The following PIGU variants were observed in gnomAD, a reference collection of about 807,000 sequenced individuals.
PIGU encodes phosphatidylinositol glycan anchor biosynthesis class U.
In PIGU, 24 loss-of-function variants were observed where a neutral mutation model predicts 49.9. The observed-to-expected ratio is 0.48, with a 90% CI of 0.35 to 0.68. The LOEUF (loss-of-function observed/expected upper bound fraction) is 0.68. Ranked by LOEUF, PIGU falls within the 30% of genes least tolerant of loss-of-function variation. The pLI, the probability that PIGU is intolerant of heterozygous loss-of-function variation, is 0.01. For missense variants in PIGU, 490 were observed against 532.6 expected, an observed-to-expected ratio of 0.92 and a Z score of 0.79; for synonymous variants, 220 against 205.7, an observed-to-expected ratio of 1.07 and a Z score of -0.59.
chr20:34,638,755 T>A (rs1186662089), intron 4 of PIGU, among the ~76,000 whole-genome samples: 1 of 151,108 alleles, frequency 6.6e-6, no homozygotes, highest in East Asian at 1.9e-4. Context: ...TAATAGGGAG[T>A]GGGATGGGGG....
chr20:34,639,556 T>C (rs929992169), intron 4 of PIGU, among the ~76,000 whole-genome samples: 1 of 151,942 alleles, frequency 6.6e-6, no homozygotes, highest in Admixed American at 6.6e-5. Flanking sequence ...GAGAGAGCTG[T>C]AGGAGTAAAT....
At chr20:34,644,096 C>T (rs1013620005) in intron 4 of PIGU, 68 bp downstream of exon 4, 1 of 1,385,780 alleles carries the variant, frequency 7.2e-7, no homozygotes, top group Non-Finnish European at 1.0e-6. Flanking sequence ...AGTATAAGAT[C>T]TTTGTAATAA....
chr20:34,571,387 A>G (rs562167841), intron 11 of PIGU, among the ~76,000 whole-genome samples: 1 of 152,328 alleles, frequency 6.6e-6, no homozygotes, highest in South Asian at 2.1e-4. Context: ...GGCACTGAAC[A>G]ACTCAAACAG....
At chr20:34,627,090 C>T (rs1434328418) in intron 6 of PIGU, among the ~76,000 whole-genome samples, 1 of 152,072 alleles carries the variant, frequency 6.6e-6, no homozygotes, top group Non-Finnish European at 1.5e-5. Flanking sequence ...AATATTTTAA[C>T]AGATTAGAAA....
At chr20:34,615,142 C>T (rs1984959496) in intron 7 of PIGU, among the ~76,000 whole-genome samples, 3 of 152,186 alleles carry the variant, frequency 2.0e-5, no homozygotes, top group African/African-American at 7.2e-5. Flanking sequence ...TCTAATATGG[C>T]TAACACTAGA....
intron 10 of PIGU, 91 bp downstream of exon 10, chr20:34,581,457 C>A: frequency 6.7e-7 from 1 of 1,500,244 alleles, no homozygotes; most frequent in South Asian, 1.2e-5. Flanking sequence ...ATAACAGGTG[C>A]CTGGTAAATG....
At chr20:34,649,638 G>A (rs547334329) in intron 2 of PIGU, among the ~76,000 whole-genome samples, 2 of 148,344 alleles carry the variant, frequency 1.3e-5, no homozygotes, top group Admixed American at 6.8e-5. Context: ...AGGTTCAAGC[G>A]ATTCTCCCAC....
chr20:34,575,219 C>T lies in PIGU; in HGVS notation c.1079G>A (p.Cys360Tyr). The T allele has an allele frequency of 6.2e-7, 1 of 1,614,112 alleles. No homozygotes were observed. The highest frequency in any genetic ancestry group is 1.1e-5 in the South Asian group (1 of 91,076). Residue 360 changes from cysteine (C) to tyrosine (Y), a missense_variant, in exon 11 of 12, where the codon TGC becomes TAC. Cys to Tyr is a radical substitution (Grantham distance 194). Transcript: ENST00000217446. ...GAGCAGGGAACAGACGATGATGATGCAGGTGAGGACAAAGATGTTTCTCAG... is the reference window on the plus strand; with the variant it reads ...GAGCAGGGAACAGACGATGATGATGTAGGTGAGGACAAAGATGTTTCTCAG... ...RFLRNIFVLT[C>Y]IIIVCSLLFP...
At chr20:34,580,471 A>G (rs1428157193) in intron 10 of PIGU, among the ~76,000 whole-genome samples, 1 of 152,228 alleles carries the variant, frequency 6.6e-6, no homozygotes, top group Non-Finnish European at 1.5e-5. Context: ...TCCCACAGCT[A>G]GTCAGTTTCA....
At chr20:34,565,761 T>C (rs1982725897) in intron 11 of PIGU, among the ~76,000 whole-genome samples, 1 of 147,508 alleles carries the variant, frequency 6.8e-6, no homozygotes, top group Admixed American at 6.8e-5. Flanking sequence ...ACACTCACAC[T>C]GCTCACACAT....
intron 6 of PIGU, among the ~76,000 whole-genome samples, chr20:34,618,822 G>C (rs552843077): frequency 6.6e-6 from 1 of 152,040 alleles, no homozygotes; most frequent in Non-Finnish European, 1.5e-5. Context: ...CCTCTCAATG[G>C]TGTTTCATAA....
In PIGU at chr20:34,592,427, GAATA is replaced by G. The variant is rs538018894; in HGVS notation, c.628-3824_628-3821del. On this transcript the variant is annotated intron_variant, in intron 7 of 11. Coordinates refer to ENST00000217446, the MANE Select transcript of PIGU (RefSeq NM_080476.5). ...CATGTTATTGATGGCTTTCTAATAA[GAATA>G]ATTAAGAAAAAAAAAAAAAAGAGAG... is the stretch of plus-strand genomic sequence containing the variant. 4.0e-3 allele frequency among the ~76,000 whole-genome samples: 340 copies of G among 85,972 alleles called. 13 individuals are homozygous for G. The South Asian group carries it at 0.083, about 21-fold the overall frequency. The allele number at this position is 85,972 out of a possible 152,430, so 56.4% of individuals were successfully genotyped here. A position where few individuals can be genotyped will look rare whatever the true frequency, so the allele number is the denominator to read the frequency against.
chr20:34,619,752 A>G (rs1311304473), intron 6 of PIGU, among the ~76,000 whole-genome samples: 1 of 152,218 alleles, frequency 6.6e-6, no homozygotes, highest in Non-Finnish European at 1.5e-5. Flanking sequence ...GCCTAGCCAA[A>G]TGGACTTGTG....
chr20:34,600,181 C>T (rs555982340), intron 7 of PIGU, among the ~76,000 whole-genome samples: 6 of 151,972 alleles, frequency 3.9e-5, no homozygotes, highest in South Asian at 2.1e-4. Context: ...CCGAGGCGGG[C>T]GGGTCACTTG....
At chr20:34,626,636 G>A (rs1439797128) in intron 6 of PIGU, among the ~76,000 whole-genome samples, 1 of 152,048 alleles carries the variant, frequency 6.6e-6, no homozygotes, top group Admixed American at 6.6e-5. Flanking sequence ...GACTGCCCAT[G>A]GTTGTACAAA....
At chr20:34,592,923 A>C (rs1320194662) in intron 7 of PIGU, among the ~76,000 whole-genome samples, 2 of 152,222 alleles carry the variant, frequency 1.3e-5, no homozygotes, top group East Asian at 1.9e-4. Context: ...TTACATAGAT[A>C]TACATAATAT....
intron 6 of PIGU, among the ~76,000 whole-genome samples, chr20:34,632,945 G>T (rs1045383567): frequency 6.6e-6 from 1 of 151,188 alleles, no homozygotes; most frequent in African/African-American, 2.4e-5. Context: ...AAAGAACATT[G>T]TTAGGTACTT....
intron 11 of PIGU, among the ~76,000 whole-genome samples, chr20:34,564,577 T>G (rs1982666783): frequency 6.6e-6 from 1 of 152,244 alleles, no homozygotes; most frequent in South Asian, 2.1e-4. Flanking sequence ...GAAAGAGAGC[T>G]TTGGCAAATG....
chr20:34,600,356 G>A (rs188012221), intron 7 of PIGU, among the ~76,000 whole-genome samples: 5 of 151,902 alleles, frequency 3.3e-5, no homozygotes, highest in African/African-American at 1.2e-4. Context: ...GCAGTGAGCC[G>A]AGATCATGCC....
Sources: allele counts gnomAD v4.1 joint callset (sites outside exome capture counted in the v4.1 genomes callset), GRCh38; gene constraint gnomAD v4.1.1; transcripts MANE v1.5; gene names NCBI Gene and HGNC (gene_info 2026-07-23, HGNC 2026-07-21).